Variants in SLAMF6 observed in about 807,000 individuals in gnomAD.
The protein encoded by SLAMF6 is NK-T-B-antigen.
A neutral mutation model predicts 38.3 loss-of-function variants in SLAMF6; 21 were observed. The ratio of observed to expected loss-of-function variants is 0.55; its 90% confidence interval spans 0.39 to 0.79. SLAMF6 has a LOEUF of 0.79. Ranked by LOEUF, SLAMF6 falls within the 30% of genes least tolerant of loss-of-function variation. The probability of loss-of-function intolerance (pLI) is 0.00; values close to 1 mark genes in which losing one functional copy is unlikely to be tolerated. For synonymous variants in SLAMF6, 152 were observed against 146.3 expected (o/e 1.04, Z -0.28); for missense variants, 341 against 385.3 (o/e 0.89, Z 0.96).
intron 6 of SLAMF6, among the ~76,000 whole-genome samples, chr1:160,488,107 C>CA (rs890172634): frequency 1.3e-5 from 2 of 149,464 alleles, no homozygotes; most frequent in African/African-American, 4.9e-5. Flanking sequence ...AAAAAAAAAC[C>CA]AAAAAACAAA....
intron 5 of SLAMF6, 74 bp from the exon 6 acceptor site, chr1:160,489,244 G>A (rs759229369): frequency 5.1e-5 from 73 of 1,430,948 alleles, no homozygotes; most frequent in African/African-American, 1.1e-4. Context: ...TCCCTCCCCA[G>A]AGCACACTGT....
chr1:160,493,222 C>T (rs574629695), intron 2 of SLAMF6, among the ~76,000 whole-genome samples: 1 of 152,106 alleles, frequency 6.6e-6, no homozygotes, highest in Non-Finnish European at 1.5e-5. Flanking sequence ...CTTGGTGTTT[C>T]TTGAGTAGTC....
chr1:160,492,527 G>C (rs1557935874), intron 2 of SLAMF6, among the ~76,000 whole-genome samples: 1 of 152,042 alleles, frequency 6.6e-6, no homozygotes, highest in African/African-American at 2.4e-5. Flanking sequence ...CCTAGTACAG[G>C]GATGGCAAAT....
chr1:160,493,455 G>T (rs1653410260), intron 2 of SLAMF6, among the ~76,000 whole-genome samples: 1 of 152,118 alleles, frequency 6.6e-6, no homozygotes, highest in African/African-American at 2.4e-5. Flanking sequence ...TTTCTTACAT[G>T]CTGTATCACT....
chr1:160,495,501 A>G (rs545442598), intron 2 of SLAMF6, among the ~76,000 whole-genome samples: 1 of 152,344 alleles, frequency 6.6e-6, no homozygotes, highest in East Asian at 1.9e-4. Context: ...TAACCTTGAC[A>G]GAAAGGATGT....
In SLAMF6 at chr1:160,487,134, T is replaced by A. The variant is rs767995878; in HGVS notation, c.921A>T (p.Thr307=). 1 of 1,613,182 alleles carries A rather than the reference T, an allele frequency of 6.2e-7. No homozygotes were observed. The highest frequency in any genetic ancestry group is 1.7e-5 in the Admixed American group (1 of 59,756). Residue 307 remains threonine (T), a synonymous_variant, in exon 7 of 8, where the codon ACA becomes ACT. Transcript: ENST00000368057. The part of the protein sequence containing the change: ...IWTPRENDTI[T]IYSTINHSKE... ...TGGAATGATTAATTGTGGAGTAAATTGTGATAGTATCATTTTCTCTAGGTG... is the reference window on the plus strand; with the variant it reads ...TGGAATGATTAATTGTGGAGTAAATAGTGATAGTATCATTTTCTCTAGGTG...
chr1:160,490,975 G>A (rs377548144), intron 3 of SLAMF6, 150 bp downstream of exon 3: 4 of 1,020,434 alleles, frequency 3.9e-6, no homozygotes, highest in African/African-American at 1.6e-5. Flanking sequence ...TGGGAGTACT[G>A]AGAGATGCAG....
rs374045204 is a variant in SLAMF6 at position 160,495,464 on chromosome 1, C to T, written c.382+597G>A. ...TTGACTGGTGATTAATATGAGCCAT[C>T]GGGGGAAAATATTGTTAAAAATTAA... On this transcript the variant is annotated intron_variant, in intron 2 of 7. Transcript: ENST00000368057. Among the ~76,000 whole-genome samples the T allele has an allele frequency of 1.1e-4, 16 of 152,182 alleles. No individual in the cohort carries two copies. The East Asian group carries it at 2.3e-3, about 22-fold the overall frequency.
chr1:160,498,605 T>G (rs1302845318), intron 1 of SLAMF6, among the ~76,000 whole-genome samples: 2 of 152,122 alleles, frequency 1.3e-5, no homozygotes, highest in Non-Finnish European at 2.9e-5. Context: ...CCAGATTCAA[T>G]TACCTCCTAC....
intron 5 of SLAMF6, 83 bp downstream of exon 5, chr1:160,490,115 C>T (rs1653202106): frequency 5.5e-6 from 8 of 1,463,222 alleles, no homozygotes; most frequent in Non-Finnish European, 7.7e-6. Flanking sequence ...TGTCATTATC[C>T]AGCCCTCTGC....
intron 1 of SLAMF6, among the ~76,000 whole-genome samples, chr1:160,503,514 G>GA (rs1202206577): frequency 6.6e-6 from 1 of 152,128 alleles, no homozygotes; most frequent in Non-Finnish European, 1.5e-5. Context: ...AGGTGCTGGG[G>GA]ATCACCTAAT....
intron 6 of SLAMF6, among the ~76,000 whole-genome samples, chr1:160,488,595 T>C (rs1653095534): frequency 6.6e-6 from 1 of 152,104 alleles, no homozygotes; most frequent in Non-Finnish European, 1.5e-5. Flanking sequence ...CCATTGCTCA[T>C]GGTTTAGTGG....
At chr1:160,500,731 C>A (rs1371587577) in intron 1 of SLAMF6, among the ~76,000 whole-genome samples, 1 of 152,140 alleles carries the variant, frequency 6.6e-6, no homozygotes, top group African/African-American at 2.4e-5. Flanking sequence ...CAGCACCTGG[C>A]ACATAGTAAG....
At chr1:160,490,799 A>C (rs192571206) in intron 3 of SLAMF6, 114 bp from the exon 4 acceptor site, 2 of 1,468,710 alleles carry the variant, frequency 1.4e-6, no homozygotes, top group African/African-American at 2.8e-5. Context: ...AAGTTTGTCT[A>C]TAGCCGGAGG....
intron 1 of SLAMF6, among the ~76,000 whole-genome samples, chr1:160,511,406 T>A (rs1654466257): frequency 6.6e-6 from 1 of 152,176 alleles, no homozygotes; most frequent in Non-Finnish European, 1.5e-5. Context: ...TGAGAGTCCA[T>A]AAATAAACCC....
intron 1 of SLAMF6, among the ~76,000 whole-genome samples, chr1:160,499,193 G>GT (rs1345731569): frequency 6.6e-6 from 1 of 152,132 alleles, no homozygotes; most frequent in African/African-American, 2.4e-5. Flanking sequence ...ATAGCTTGAG[G>GT]TTTTACATTT....
chr1:160,495,725 C>T (rs1180054939), intron 2 of SLAMF6, among the ~76,000 whole-genome samples: 1 of 152,244 alleles, frequency 6.6e-6, no homozygotes, highest in Non-Finnish European at 1.5e-5. Context: ...GTACCTACCT[C>T]ATGGAGTCTT....
chr1:160,522,857 T>C (rs1477278504), intron 1 of SLAMF6, among the ~76,000 whole-genome samples: 1 of 152,210 alleles, frequency 6.6e-6, no homozygotes, highest in Non-Finnish European at 1.5e-5. Flanking sequence ...ATGCTGGTCA[T>C]AAACCACAAA....
chr1:160,489,299 A>C, intron 5 of SLAMF6, 129 bp from the exon 6 acceptor site: 1 of 824,398 alleles, frequency 1.2e-6, no homozygotes, highest in Non-Finnish European at 2.0e-6. Flanking sequence ...TTCCTGAGGG[A>C]TCATTCGTTC....
Sources: allele counts gnomAD v4.1 joint callset (sites outside exome capture counted in the v4.1 genomes callset), GRCh38; gene constraint gnomAD v4.1.1; transcripts MANE v1.5; gene names NCBI Gene and HGNC (gene_info 2026-07-23, HGNC 2026-07-21).